TYSND1: variants seen among roughly 807,000 people sequenced by gnomAD.
TYSND1 encodes peroxisomal leader peptide-processing protease.
In TYSND1, 30 loss-of-function variants were observed where a neutral mutation model predicts 37.2. The ratio of observed to expected loss-of-function variants is 0.81; its 90% CI spans 0.60 to 1.09. TYSND1 has a LOEUF of 1.09. Ranked by LOEUF, TYSND1 falls within the 50% of genes least tolerant of loss-of-function variation. The pLI is 0.00. For synonymous variants in TYSND1, 364 were observed against 383.8 expected, an observed-to-expected ratio of 0.95 and a Z score of 0.60; for missense variants, 806 against 817.4, an observed-to-expected ratio of 0.99 and a Z score of 0.17.
chr10:70,144,189 T>A lies in TYSND1; in HGVS notation c.1167-217A>T, dbSNP rs564808796. 1.8e-4 allele frequency: 108 copies of A among 591,254 alleles called. 1 individual carries two copies. In the South Asian group the frequency reaches 2.2e-3, roughly 12 times the overall value. 36.6% of individuals were successfully genotyped at this position (591,254 alleles called of 1,614,324 possible). On this transcript the variant is annotated intron_variant, in intron 1 of 3. Coordinates refer to ENST00000287078, the MANE Select transcript of TYSND1 (RefSeq NM_173555.4). ...TTCTCTAAAGCTTCCTGTACCTGAA[T>A]AATCAACCTGACACTTAGTGAGCAC...
rs1839219285 is a variant in TYSND1 at position 70,146,217 on chromosome 10, G to A, written c.370C>T (p.Arg124Cys). ...EPGPPAPSRG[R>C]PLQPRLPAEL... ...GCAGGAAGCCGGGGCTGCAGGGGAC[G>A]CCCGCGGGACGGGGCAGGTGGGCCG... The change falls in exon 1 of 4, where the codon CGT becomes TGT. Residue 124 changes from arginine to cysteine, a missense_variant. By Grantham distance (180) the Arg-to-Cys change is radical. Around this residue, in one of 3 missense-constraint regions of TYSND1, gnomAD observed 708 missense variants for 705.4 expected, o/e 1.00. Transcript: ENST00000287078. 7 of 1,514,038 alleles carry A rather than the reference G, an allele frequency of 4.6e-6. No individual in the cohort carries two copies. Among genetic ancestry groups the A allele is most frequent in the Non-Finnish European group, 6.2e-6 (7 of 1,136,276 alleles). The allele number at this position is 1,514,038 out of a possible 1,614,324, so 93.8% of individuals were successfully genotyped here. A position where few individuals can be genotyped will look rare whatever the true frequency, so the allele number is the denominator to read the frequency against.
rs1373830379 is a variant in TYSND1 at position 70,139,915 on chromosome 10, AAC to A, written c.*7_*8del. 1.9e-6 allele frequency: 3 copies of A among 1,609,566 alleles called. No homozygotes were observed. The highest frequency in any genetic ancestry group is 1.7e-6 in the Non-Finnish European group (2 of 1,177,936). The stretch of plus-strand genomic sequence containing the variant: ...GGTCACTCTTCTTTCCAAAGGTGGT[AAC>A]ACAGCCTCAGAGCTTGCTCCGCGGG... On this transcript the variant is annotated 3_prime_UTR_variant, in exon 4 of 4. Transcript: ENST00000287078.
Position 70,145,791 on chromosome 10 carries a change from C to T in TYSND1, c.796G>A (p.Val266Met), listed in dbSNP as rs1353626664. 1.1e-5 allele frequency: 17 copies of T among 1,484,692 alleles called. No homozygotes were observed. Among genetic ancestry groups the T allele is most frequent in the Non-Finnish European group, 1.4e-5 (16 of 1,123,734 alleles). The allele number at this position is 1,484,692 out of a possible 1,614,324, so 92.0% of individuals were successfully genotyped here. Residue 266 changes from valine to methionine, a missense_variant, in exon 1 of 4, where the codon GTG becomes ATG. Val to Met is a conservative substitution (Grantham distance 21). Transcript: ENST00000287078. ...GCCCCCGCGGGCCGCGCGGTGAACA[C>T]GCCGCCGCCCTCGGTGCCGGGCAGG... ...RCLPGTEGGG[V>M]FTARPAGALV...
intron 1 of TYSND1, among the ~76,000 whole-genome samples, chr10:70,145,102 G>A (rs868313610): frequency 8.5e-5 from 13 of 152,146 alleles, no homozygotes; most frequent in Non-Finnish European, 1.8e-4. Context: ...GGGGTATGGC[G>A]TGCAGGGCTA....
At position 70,146,259 on chromosome 10, in the gene TYSND1, A is replaced by G. The variant is rs1839222423; in HGVS notation, c.328T>C (p.Cys110Arg). Residue 110 changes from cysteine (C) to arginine (R), a missense_variant, in exon 1 of 4, where the codon TGC becomes CGC. By Grantham distance (180) the Cys-to-Arg change is radical. Around this residue, in one of 3 missense-constraint regions of TYSND1, gnomAD observed 708 missense variants for 705.4 expected, o/e 1.00. Coordinates refer to ENST00000287078, the MANE Select transcript of TYSND1 (RefSeq NM_173555.4). ...RGRPGLCTPQCASLEPGPPAP... is the reference protein window; with the variant it reads ...RGRPGLCTPQRASLEPGPPAP... The stretch of plus-strand genomic sequence containing the variant: ...GGTGGGCCGGGCTCGAGGCTCGCGC[A>G]CTGGGGCGTGCACAGCCCTGGGCGG... 1 of 1,479,976 alleles carries G rather than the reference A, an allele frequency of 6.8e-7. No homozygotes were observed. Among genetic ancestry groups the G allele is most frequent in the African/African-American group, 1.4e-5 (1 of 69,892 alleles). The allele number at this position is 1,479,976 out of a possible 1,614,324, so 91.7% of individuals were successfully genotyped here.
In TYSND1 at chr10:70,143,876, GACATC is replaced by G; in HGVS notation, c.1258_1262del (p.Asp420ProfsTer7). 1 of 1,614,202 alleles carries G rather than the reference GACATC, an allele frequency of 6.2e-7. No individual in the cohort carries two copies. The highest frequency in any genetic ancestry group is 8.5e-7 in the Non-Finnish European group (1 of 1,180,034). On this transcript the variant is annotated frameshift_variant, in exon 2 of 4. Coordinates refer to ENST00000287078, the MANE Select transcript of TYSND1 (RefSeq NM_173555.4). LOFTEE classifies it high-confidence loss of function. ...AGTGCTCAGCGGGCACAGGGATGGGGACATCATCCAGGTCCTCCTCCAGGCTCACC... is the reference window on the plus strand; with the variant it reads ...AGTGCTCAGCGGGCACAGGGATGGGGATCCAGGTCCTCCTCCAGGCTCACC...
At chr10:70,140,697 G>C (rs972303755) in intron 3 of TYSND1, among the ~76,000 whole-genome samples, 1 of 152,092 alleles carries the variant, frequency 6.6e-6, no homozygotes, top group Non-Finnish European at 1.5e-5. Context: ...CTTTATGTTC[G>C]TATCTAATGT....
In TYSND1 at chr10:70,142,684, G is replaced by A; in HGVS notation, c.1467C>T (p.His489=). The A allele has an allele frequency of 1.9e-6, 3 of 1,592,404 alleles. No homozygotes were observed. The highest frequency in any genetic ancestry group is 2.3e-5 in the South Asian group (2 of 88,552). ...GSSGGPLFSN[H]SGNLLGIITS... is the part of the protein sequence containing the mutation. ...GCTGGTTACCAAGGAGGTTTCCTGA[G>A]TGGTTGGAGAAGAGGGGTCCCCCAC... Residue 489 remains histidine (H), a synonymous_variant, in exon 3 of 4, where the codon CAC becomes CAT. Coordinates refer to ENST00000287078, the MANE Select transcript of TYSND1 (RefSeq NM_173555.4).
Position 70,142,717 on chromosome 10 carries a change from G to A in TYSND1, c.1434C>T (p.Ser478=), listed in dbSNP as rs765414303. 18 of 1,611,610 alleles carry A rather than the reference G, an allele frequency of 1.1e-5. No individual in the cohort carries two copies. The highest frequency in any genetic ancestry group is 2.2e-5 in the East Asian group (1 of 44,788). Reference sequence around the variant, plus strand: ...AGAAGAGGGGTCCCCCACTGGAGCCGCTGTGCACAGCACACGTGGTCTGCA... The same window carrying A: ...AGAAGAGGGGTCCCCCACTGGAGCCACTGTGCACAGCACACGTGGTCTGCA... The part of the protein sequence containing the change: ...VMLQTTCAVH[S]GSSGGPLFSN... Residue 478 remains serine (S), a synonymous_variant, in exon 3 of 4, where the codon AGC becomes AGT. Coordinates refer to ENST00000287078, the MANE Select transcript of TYSND1 (RefSeq NM_173555.4).
chr10:70,141,733 T>TA (rs199782721), intron 3 of TYSND1, among the ~76,000 whole-genome samples: 2 of 152,048 alleles, frequency 1.3e-5, no homozygotes, highest in East Asian at 3.9e-4. Flanking sequence ...TTTTTTTAAT[T>TA]AAAAAAAATT....
chr10:70,139,633 G>T lies in TYSND1; in HGVS notation c.*291C>A. 1 of 317,990 alleles carries T rather than the reference G, an allele frequency of 3.1e-6. No individual in the cohort carries two copies. The highest frequency in any genetic ancestry group is 5.8e-6 in the Non-Finnish European group (1 of 173,632). The allele number at this position is 317,990 out of a possible 1,614,324, so 19.7% of individuals were successfully genotyped here. A position where few individuals can be genotyped will look rare whatever the true frequency, so the allele number is the denominator to read the frequency against. On this transcript the variant is annotated 3_prime_UTR_variant, in exon 4 of 4. Transcript: ENST00000287078. ...TCAGGCCCAGAACTTCTGTGCAGTT[G>T]GAGTGGGCTCCCCAGAAGGAAAAAC...
rs1277560328 is a variant in TYSND1 at position 70,142,841 on chromosome 10, C to A, written c.1310G>T (p.Ser437Ile). Residue 437 changes from serine (S) to isoleucine (I), a missense_variant, in exon 3 of 4, where the codon AGT (serine) becomes ATT (isoleucine). Transcript: ENST00000287078. Reference sequence around the variant, plus strand: ...GCCAAAGACGCCAAAGCCCACCACACTCACAGCCTCGCCTGCCAGGGAAGG... The same window carrying A: ...GCCAAAGACGCCAAAGCCCACCACAATCACAGCCTCGCCTGCCAGGGAAGG... ...AEHFHEGEAV[S>I]VVGFGVFGQS... 6.2e-7 allele frequency: 1 copy of A among 1,613,540 alleles called. No individual in the cohort carries two copies. Among genetic ancestry groups the A allele is most frequent in the Admixed American group, 1.7e-5 (1 of 60,012 alleles).
chr10:70,139,850 G>T lies in TYSND1; in HGVS notation c.*74C>A, dbSNP rs1339289069. ...GCAGGGGCTGGGCCCTGAATCCTGA[G>T]GCCACCGTCACCTCAACATCACTTC... On this transcript the variant is annotated 3_prime_UTR_variant, in exon 4 of 4. Coordinates refer to ENST00000287078, the MANE Select transcript of TYSND1 (RefSeq NM_173555.4). The T allele has an allele frequency of 1.6e-5, 23 of 1,458,224 alleles. No homozygotes were observed. Among genetic ancestry groups the T allele is most frequent in the Non-Finnish European group, 2.1e-5 (23 of 1,070,158 alleles). 90.3% of individuals were successfully genotyped at this position (1,458,224 alleles called of 1,614,324 possible).
chr10:70,139,970 C>G lies in TYSND1; in HGVS notation c.1655G>C (p.Trp552Ser). The G allele has an allele frequency of 6.2e-7, 1 of 1,614,066 alleles. No homozygotes were observed. The highest frequency in any genetic ancestry group is 8.5e-7 in the Non-Finnish European group (1 of 1,180,006). The change falls in exon 4 of 4, where the codon TGG (tryptophan) becomes TCG (serine). Residue 552 changes from tryptophan (W) to serine (S), a missense_variant. This residue lies in a region of TYSND1 where 708 missense variants were observed against 705.4 expected (regional missense o/e 1.00). Coordinates refer to ENST00000287078, the MANE Select transcript of TYSND1 (RefSeq NM_173555.4). ...DRAAEPVRVV[W>S]RLQRPLAEAP... is the part of the protein sequence containing the mutation. ...CTCTGCCAGGGGCCGCTGCAACCGC[C>G]ACACCACCCTGACTGGCTCAGCAGC... is the stretch of plus-strand genomic sequence containing the variant.
intron 3 of TYSND1, among the ~76,000 whole-genome samples, chr10:70,141,416 T>G (rs1408749875): frequency 2.6e-5 from 4 of 152,152 alleles, no homozygotes; most frequent in African/African-American, 9.7e-5. Context: ...CATACCACCA[T>G]GTCTGGCTCA....
Position 70,146,336 on chromosome 10 carries a change from T to C in TYSND1, c.251A>G (p.His84Arg). The change falls in exon 1 of 4, where the codon CAC becomes CGC. Residue 84 changes from histidine to arginine, a missense_variant. Physicochemically the swap from His to Arg is conservative, Grantham distance 29. This residue lies in a region of TYSND1 where 708 missense variants were observed against 705.4 expected (regional missense o/e 1.00). Transcript: ENST00000287078. ...CGCGGCCGTTGGGGCCCACTGCACG[T>C]GCAGGCGCAGGTCGTCCCTGCAACT... ...GDSCRDDLRLHVQWAPTAAGP... is the reference protein window; with the variant it reads ...GDSCRDDLRLRVQWAPTAAGP... 7 of 1,532,290 alleles carry C rather than the reference T, an allele frequency of 4.6e-6. No homozygotes were observed. The highest frequency in any genetic ancestry group is 6.1e-6 in the Non-Finnish European group (7 of 1,145,964). 94.9% of individuals were successfully genotyped at this position (1,532,290 alleles called of 1,614,324 possible). A position where few individuals can be genotyped will look rare whatever the true frequency, so the allele number is the denominator to read the frequency against.
At position 70,146,030 on chromosome 10, in the gene TYSND1, G is replaced by A. The variant is rs867141189; in HGVS notation, c.557C>T (p.Ala186Val). The change falls in exon 1 of 4, where the codon GCG (alanine) becomes GTG (valine). Residue 186 changes from alanine (A) to valine (V), a missense_variant. Coordinates refer to ENST00000287078, the MANE Select transcript of TYSND1 (RefSeq NM_173555.4). ...CTGGCCTAGCCGCACGCCCAGCAGC[G>A]CAAACCAGCCCAGCGCTCTCAGTTG... is the stretch of plus-strand genomic sequence containing the variant. ...ADQLRALGWF[A>V]LLGVRLGQEE... The A allele has an allele frequency of 1.9e-6, 3 of 1,601,226 alleles. No homozygotes were observed. Among genetic ancestry groups the A allele is most frequent in the African/African-American group, 1.3e-5 (1 of 74,484 alleles).
In TYSND1 at chr10:70,145,684, G is replaced by C. The variant is rs1160556115; in HGVS notation, c.903C>G (p.Pro301=). 2.9e-6 allele frequency: 4 copies of C among 1,387,720 alleles called. No homozygotes were observed. Among genetic ancestry groups the C allele is most frequent in the South Asian group, 1.6e-5 (1 of 61,834 alleles). 86.0% of individuals were successfully genotyped at this position (1,387,720 alleles called of 1,614,324 possible). A position where few individuals can be genotyped will look rare whatever the true frequency, so the allele number is the denominator to read the frequency against. ...GCGCGTCGCGGGCGGCGCGGAAAAG[G>C]GGGGCGGCGGCGCAGAGCAGCGTGA... The part of the protein sequence containing the change: ...VGFTLLCAAA[P]LFRAARDALH... Residue 301 remains proline, a synonymous_variant, in exon 1 of 4, where the codon CCC becomes CCG. Transcript: ENST00000287078.
chr10:70,145,858 G>A lies in TYSND1; in HGVS notation c.729C>T (p.Leu243=), dbSNP rs1839198929. Residue 243 remains leucine (L), a synonymous_variant, in exon 1 of 4, where the codon CTC becomes CTT. Coordinates refer to ENST00000287078, the MANE Select transcript of TYSND1 (RefSeq NM_173555.4). ...IFLNTLSCGV[L]SNVAGPLLLT... is the part of the protein sequence containing the mutation. ...GCAGCAGTGGGCCGGCCACGTTGCTGAGCACCCCGCAGCTCAGCGTGTTGA... is the reference window on the plus strand; with the variant it reads ...GCAGCAGTGGGCCGGCCACGTTGCTAAGCACCCCGCAGCTCAGCGTGTTGA... The A allele has an allele frequency of 2.6e-6, 4 of 1,543,320 alleles. No homozygotes were observed. Among genetic ancestry groups the A allele is most frequent in the Non-Finnish European group, 1.7e-6 (2 of 1,144,200 alleles).
Sources: gnomAD v4.1 joint callset for allele counts (sites outside exome capture counted in the v4.1 genomes callset) on GRCh38, gnomAD v4.1.1 for gene constraint, gnomAD v4.1.1 regional missense constraint, MANE v1.5 for transcripts, NCBI Gene and HGNC (gene_info 2026-07-23, HGNC 2026-07-21) for gene names.